Variants in TLK2 observed in about 807,000 individuals in gnomAD.
The protein encoded by TLK2 is serine/threonine-protein kinase tousled-like 2.
A neutral mutation model predicts 117.3 loss-of-function variants in TLK2; 6 were observed. That is an observed-to-expected ratio of 0.05 (90% CI 0.03 to 0.10). The LOEUF (loss-of-function observed/expected upper bound fraction) is 0.10. Ranked by LOEUF, TLK2 falls within the 10% of genes least tolerant of loss-of-function variation. TLK2 has a pLI of 1.00. For missense variants in TLK2, 299 were observed against 901.2 expected (o/e 0.33, Z 8.56); for synonymous variants, 257 against 316.7 (o/e 0.81, Z 2.00).
chr17:62,608,183 G>A (rs770136703), intron 21 of TLK2, 35 bp downstream of exon 21: 12 of 1,554,844 alleles, frequency 7.7e-6, no homozygotes, highest in Admixed American at 1.8e-5. Context: ...CAACAGAAAC[G>A]GCTGCTTTGC....
At chr17:62,562,573 C>A (rs527707181) in intron 10 of TLK2, among the ~76,000 whole-genome samples, 1 of 152,056 alleles carries the variant, frequency 6.6e-6, no homozygotes, top group South Asian at 2.1e-4. Flanking sequence ...ATGTCATTAT[C>A]CATCAGGAAA....
At chr17:62,601,768 G>A (rs7218774) in intron 18 of TLK2, among the ~76,000 whole-genome samples, 102,342 of 152,090 alleles carry the variant, frequency 0.67, 34,623 homozygotes, top group East Asian at 0.82. Context: ...GTGAACAAGG[G>A]TATTTTACTT....
At chr17:62,481,042 C>G (rs1351413917) in intron 1 of TLK2, 79 bp from the exon 2 acceptor site, 1 of 1,306,536 alleles carries the variant, frequency 7.7e-7, no homozygotes, top group Non-Finnish European at 1.1e-6. Flanking sequence ...GAAATAATTA[C>G]TGTGAGTTTT....
At position 62,488,795 on chromosome 17, in the gene TLK2, CTTGGTCAGTA is replaced by C. The variant is rs892690763; in HGVS notation, c.81+7590_81+7599del. 1.9e-4 allele frequency among the ~76,000 whole-genome samples: 28 copies of C among 146,796 alleles called. No homozygotes were observed. In the Middle Eastern group the frequency reaches 0.011, roughly 56 times the overall value. On this transcript the variant is annotated intron_variant, in intron 2 of 21. Transcript: ENST00000346027. ...TTAATGTTAATACCTTTGTCTTCCT[CTTGGTCAGTA>C]CGAGGGCCTTGAAGATTTTTTTTTT...
intron 9 of TLK2, among the ~76,000 whole-genome samples, chr17:62,554,070 G>A (rs2078670421): frequency 6.6e-6 from 1 of 152,128 alleles, no homozygotes; most frequent in South Asian, 2.1e-4. Flanking sequence ...TTCCAGAGAA[G>A]TTATTTTAAT....
chr17:62,556,988 C>T (rs554797228), intron 9 of TLK2, among the ~76,000 whole-genome samples: 5 of 152,316 alleles, frequency 3.3e-5, no homozygotes, highest in Non-Finnish European at 7.3e-5. Context: ...GCAGTGGCAC[C>T]GTCATGGCTC....
At chr17:62,591,580 C>T (rs1225085967) in intron 16 of TLK2, among the ~76,000 whole-genome samples, 1 of 152,006 alleles carries the variant, frequency 6.6e-6, no homozygotes, top group African/African-American at 2.4e-5. Context: ...GCTGGCAAGT[C>T]GTTTTTTGGA....
At chr17:62,516,411 G>T (rs1471852051) in intron 2 of TLK2, 1 of 1,589,780 alleles carries the variant, frequency 6.3e-7, no homozygotes, top group East Asian at 2.3e-5. Context: ...CTTTCTTGTC[G>T]GCACCAGGTA....
intron 12 of TLK2, chr17:62,574,383 C>T: frequency 6.6e-7 from 1 of 1,514,292 alleles, no homozygotes; most frequent in Non-Finnish European, 8.9e-7. Context: ...GATACAGCCC[C>T]AGCCTTAGGA....
chr17:62,503,207 A>G (rs541337288), intron 2 of TLK2, among the ~76,000 whole-genome samples: 1 of 151,652 alleles, frequency 6.6e-6, no homozygotes, highest in Non-Finnish European at 1.5e-5. Flanking sequence ...CTACAGGCAC[A>G]TGCCGCCATG....
chr17:62,542,756 G>A (rs2077627636), intron 7 of TLK2, among the ~76,000 whole-genome samples: 2 of 152,046 alleles, frequency 1.3e-5, no homozygotes, highest in Admixed American at 1.3e-4. Flanking sequence ...TCCCTTAATG[G>A]CAAGTCTGTT....
chr17:62,586,714 G>A (rs1203720791), intron 16 of TLK2, among the ~76,000 whole-genome samples: 2 of 151,974 alleles, frequency 1.3e-5, no homozygotes, highest in African/African-American at 2.4e-5. Flanking sequence ...CCAGCTACTC[G>A]GGAGGCTGAG....
intron 11 of TLK2, 130 bp downstream of exon 11, chr17:62,565,267 A>T: frequency 2.6e-6 from 3 of 1,146,146 alleles, no homozygotes; most frequent in African/African-American, 1.6e-5. Context: ...TAGTCACCAC[A>T]TGTGGAAAGA....
chr17:62,591,617 G>A (rs753870451), intron 16 of TLK2, among the ~76,000 whole-genome samples: 33 of 152,286 alleles, frequency 2.2e-4, no homozygotes, highest in South Asian at 8.3e-4. Context: ...GAAATGAAGC[G>A]TCAGGGGAGG....
intron 10 of TLK2, among the ~76,000 whole-genome samples, chr17:62,564,283 A>G (rs1421408353): frequency 6.6e-6 from 1 of 152,138 alleles, no homozygotes; most frequent in African/African-American, 2.4e-5. Context: ...CACGCCTGTA[A>G]TCTCAGCACT....
intron 2 of TLK2, among the ~76,000 whole-genome samples, chr17:62,486,051 A>G (rs2072333206): frequency 6.6e-6 from 1 of 151,840 alleles, no homozygotes; most frequent in South Asian, 2.1e-4. Flanking sequence ...CGATCTCCTG[A>G]CCTCGTGATC....
At chr17:62,607,966 TCCCTGGGGTATTGA>T in intron 20 of TLK2, 61 bp from the exon 21 acceptor site, 2 of 1,244,358 alleles carry the variant, frequency 1.6e-6, no homozygotes, top group Non-Finnish European at 2.3e-6. Flanking sequence ...TCCTTTTCCT[TCCCTGGGGTATTGA>T]ATTGTTTTCT....
chr17:62,606,006 C>CAAA (rs71155942), intron 19 of TLK2, 124 bp from the exon 20 acceptor site: 155 of 133,006 alleles, frequency 1.2e-3, no homozygotes, highest in African/African-American at 4.6e-3. Flanking sequence ...ACCCTGTCTC[C>CAAA]AAAAAAAAAA....
chr17:62,608,658 A>G (rs1256678491), intron 21 of TLK2, among the ~76,000 whole-genome samples: 1 of 152,224 alleles, frequency 6.6e-6, no homozygotes, highest in Non-Finnish European at 1.5e-5. Flanking sequence ...GGGAGACCTT[A>G]GGAAACTTAG....
Sources: allele counts gnomAD v4.1 joint callset (sites outside exome capture counted in the v4.1 genomes callset), GRCh38; gene constraint gnomAD v4.1.1; transcripts MANE v1.5; gene names NCBI Gene and HGNC (gene_info 2026-07-23, HGNC 2026-07-21).